The following ACOT13 variants were observed in gnomAD, a reference collection of about 807,000 sequenced individuals.
ACOT13 encodes acyl-CoA thioesterase 13.
A neutral mutation model predicts 11.8 loss-of-function variants in ACOT13; 10 were observed. The observed-to-expected ratio is 0.85, with a 90% CI of 0.53 to 1.44. The LOEUF is 1.44. Ranked by LOEUF, ACOT13 falls within the 40% of genes most tolerant of loss-of-function variation. ACOT13 has a pLI of 0.00. For synonymous variants in ACOT13, 53 were observed against 61.0 expected (o/e 0.87, Z 0.61); for missense variants, 172 against 174.1 (o/e 0.99, Z 0.07).
intron 1 of ACOT13, among the ~76,000 whole-genome samples, chr6:24,669,762 A>G (rs1778328201): frequency 6.6e-6 from 1 of 152,154 alleles, no homozygotes; most frequent in Non-Finnish European, 1.5e-5. Context: ...ACAACAAACA[A>G]AAGAACAATC....
chr6:24,667,462 T>C, intron 1 of ACOT13, 118 bp downstream of exon 1: 2 of 885,548 alleles, frequency 2.3e-6, no homozygotes, highest in Non-Finnish European at 1.8e-6. Flanking sequence ...CTAGTACGCC[T>C]GTAAATTCAC....
Position 24,701,864 on chromosome 6 carries a change from A to T in ACOT13, c.*249A>T. ...AGCTCAAAGTGTTTTAAAAACAGGT[A>T]AAGCAAAGAAACTAGCAGGACCACT... On this transcript the variant is annotated 3_prime_UTR_variant, in exon 3 of 3. Transcript: ENST00000230048. The T allele has an allele frequency of 2.7e-6, 1 of 364,462 alleles. No homozygotes were observed. Among genetic ancestry groups the T allele is most frequent in the Non-Finnish European group, 5.0e-6 (1 of 201,630 alleles). The allele number at this position is 364,462 out of a possible 1,614,324, so 22.6% of individuals were successfully genotyped here. A position where few individuals can be genotyped will look rare whatever the true frequency, so the allele number is the denominator to read the frequency against.
At chr6:24,696,320 T>C (rs901782248) in intron 1 of ACOT13, among the ~76,000 whole-genome samples, 1 of 152,184 alleles carries the variant, frequency 6.6e-6, no homozygotes, top group Admixed American at 6.5e-5. Flanking sequence ...GATTGGGAGA[T>C]GTGAAGGTGG....
intron 1 of ACOT13, among the ~76,000 whole-genome samples, chr6:24,673,732 G>A (rs144527374): frequency 2.0e-5 from 3 of 152,216 alleles, no homozygotes; most frequent in East Asian, 1.9e-4. Flanking sequence ...CAATAATTTC[G>A]TGTATATGTG....
At chr6:24,677,172 C>T (rs1778467467) in intron 1 of ACOT13, among the ~76,000 whole-genome samples, 1 of 152,160 alleles carries the variant, frequency 6.6e-6, no homozygotes, top group African/African-American at 2.4e-5. Flanking sequence ...GTCAAGGGAA[C>T]CCCTAAAAGG....
chr6:24,701,556 A>G lies in ACOT13; in HGVS notation c.364A>G (p.Asn122Asp). 6.2e-7 allele frequency: 1 copy of G among 1,613,992 alleles called. No homozygotes were observed. The highest frequency in any genetic ancestry group is 8.5e-7 in the Non-Finnish European group (1 of 1,179,880). The change falls in exon 3 of 3, where the codon AAC (asparagine) becomes GAC (aspartate). Residue 122 changes from asparagine to aspartate, a missense_variant. By Grantham distance (23) the Asn-to-Asp change is conservative (BLOSUM62 1). Coordinates refer to ENST00000230048, the MANE Select transcript of ACOT13 (RefSeq NM_018473.4). The stretch of plus-strand genomic sequence containing the variant: ...TGCATTTACCTCTGTGGATCTGACC[A>G]ACAAGGCCACAGGAAAATTAATAGC... Reference protein sequence around the residue: ...TLAFTSVDLTNKATGKLIAQG... With the variant: ...TLAFTSVDLTDKATGKLIAQG...
chr6:24,688,490 T>C (rs565790356), intron 1 of ACOT13, among the ~76,000 whole-genome samples: 140 of 147,324 alleles, frequency 9.5e-4, no homozygotes, highest in African/African-American at 1.0e-3. Context: ...CAGTGAGCTA[T>C]GATCATGCCA....
At chr6:24,667,959 C>CA (rs1778289633) in intron 1 of ACOT13, among the ~76,000 whole-genome samples, 1 of 152,154 alleles carries the variant, frequency 6.6e-6, no homozygotes, top group African/African-American at 2.4e-5. Flanking sequence ...GGCTGGAGTG[C>CA]AATGGCGCGA....
intron 1 of ACOT13, among the ~76,000 whole-genome samples, chr6:24,682,172 T>A (rs1778562851): frequency 6.6e-6 from 1 of 152,238 alleles, no homozygotes. Flanking sequence ...CTAATCGTTT[T>A]TAACTGGCTG....
intron 1 of ACOT13, among the ~76,000 whole-genome samples, chr6:24,696,195 G>T (rs1778792492): frequency 6.6e-6 from 1 of 152,190 alleles, no homozygotes; most frequent in Non-Finnish European, 1.5e-5. Flanking sequence ...ATATCGCGTG[G>T]TTCTGTTTTC....
chr6:24,673,909 T>C (rs747511301), intron 1 of ACOT13, among the ~76,000 whole-genome samples: 2 of 58,040 alleles, frequency 3.4e-5, no homozygotes, highest in East Asian at 3.0e-4. Context: ...TACCATACAG[T>C]ATTCTTTCTC....
Position 24,703,413 on chromosome 6 carries a change from G to A in ACOT13, c.*1798G>A, listed in dbSNP as rs1778929058. 6.6e-6 allele frequency: 1 copy of A among 152,272 alleles called. No homozygotes were observed. Among genetic ancestry groups the A allele is most frequent in the Admixed American group, 6.5e-5 (1 of 15,284 alleles). The allele number at this position is 152,272 out of a possible 1,614,324, so 9.4% of individuals were successfully genotyped here. A position where few individuals can be genotyped will look rare whatever the true frequency, so the allele number is the denominator to read the frequency against. On this transcript the variant is annotated 3_prime_UTR_variant, in exon 3 of 3. Coordinates refer to ENST00000230048, the MANE Select transcript of ACOT13 (RefSeq NM_018473.4). ...TACTTCTAGTATTTCCCACTAAAAGGAAGCTGGGCTCCTTGGAGAAACAGC... is the reference window on the plus strand; with the variant it reads ...TACTTCTAGTATTTCCCACTAAAAGAAAGCTGGGCTCCTTGGAGAAACAGC...
chr6:24,681,495 C>CT (rs34612446), intron 1 of ACOT13, among the ~76,000 whole-genome samples: 9 of 59,508 alleles, frequency 1.5e-4, no homozygotes, highest in African/African-American at 8.1e-4. Flanking sequence ...ATAGGGCACA[C>CT]TTTTTTTTTT....
At chr6:24,690,517 G>C (rs540951936) in intron 1 of ACOT13, among the ~76,000 whole-genome samples, 2 of 152,318 alleles carry the variant, frequency 1.3e-5, no homozygotes, top group East Asian at 3.9e-4. Context: ...AGCCTTTGGG[G>C]AAGAAAAATA....
At chr6:24,698,189 G>GCA (rs1460760908) in intron 2 of ACOT13, 122 bp downstream of exon 2, 2 of 882,088 alleles carry the variant, frequency 2.3e-6, no homozygotes, top group African/African-American at 3.5e-5. Flanking sequence ...CTCCTTAACT[G>GCA]CACCTATAGA....
intron 1 of ACOT13, among the ~76,000 whole-genome samples, chr6:24,683,132 C>G (rs1345244395): frequency 6.6e-6 from 1 of 152,182 alleles, no homozygotes; most frequent in African/African-American, 2.4e-5. Flanking sequence ...CATGCTGGTA[C>G]CAAGCACTGA....
chr6:24,672,659 A>ATT (rs1778383044), intron 1 of ACOT13, among the ~76,000 whole-genome samples: 2 of 152,184 alleles, frequency 1.3e-5, no homozygotes, highest in Non-Finnish European at 2.9e-5. Flanking sequence ...AAAGAAAACA[A>ATT]AAGATATAAC....
chr6:24,692,239 G>A (rs1263199403), intron 1 of ACOT13, among the ~76,000 whole-genome samples: 3 of 152,130 alleles, frequency 2.0e-5, no homozygotes, highest in South Asian at 2.1e-4. Context: ...AAAAGTTCAC[G>A]ACGTCACCAA....
chr6:24,682,643 G>A (rs1019884389), intron 1 of ACOT13, among the ~76,000 whole-genome samples: 5 of 152,106 alleles, frequency 3.3e-5, no homozygotes, highest in Admixed American at 6.5e-5. Context: ...TGCTGGATCC[G>A]GAGGGATGGG....
Sources: gnomAD v4.1 joint callset for allele counts (sites outside exome capture counted in the v4.1 genomes callset) on GRCh38, gnomAD v4.1.1 for gene constraint, MANE v1.5 for transcripts, NCBI Gene and HGNC (gene_info 2026-07-23, HGNC 2026-07-21) for gene names.